The following CSTA variants were observed in gnomAD, a reference collection of about 807,000 sequenced individuals.
CSTA encodes the protein cystatin A, also known as cystatin-A.
Under a neutral mutation model 9.2 loss-of-function variants are expected in CSTA, and 9 were observed. The ratio of observed to expected loss-of-function variants is 0.97; its 90% CI spans 0.59 to 1.70. The LOEUF (loss-of-function observed/expected upper bound fraction) is 1.70, where lower values mean the gene tolerates loss of function less well. Among genes scored for constraint, CSTA ranks in the 40% most tolerant of loss-of-function variants. CSTA has a pLI of 0.00. For synonymous variants in CSTA, 36 were observed against 40.6 expected (o/e 0.89, Z 0.43); for missense variants, 118 against 113.1 (o/e 1.04, Z -0.20).
chr3:122,337,257 T>C (rs924631167), intron 1 of CSTA, among the ~76,000 whole-genome samples: 1 of 152,214 alleles, frequency 6.6e-6, no homozygotes, highest in Non-Finnish European at 1.5e-5. Context: ...CCACTGATTT[T>C]TATTAATCAA....
At chr3:122,335,958 T>TACACACACACAC (rs55707796) in intron 1 of CSTA, among the ~76,000 whole-genome samples, 7 of 147,662 alleles carry the variant, frequency 4.7e-5, no homozygotes, top group African/African-American at 1.8e-4. Context: ...ATCAGAGGAA[T>TACACACACACAC]ACACACACAC....
At chr3:122,339,270 C>T (rs548291456) in intron 2 of CSTA, among the ~76,000 whole-genome samples, 1 of 152,312 alleles carries the variant, frequency 6.6e-6, no homozygotes, top group African/African-American at 2.4e-5. Context: ...TAATCTACTT[C>T]GCAGCGTGTT....
intron 1 of CSTA, among the ~76,000 whole-genome samples, chr3:122,332,883 C>T (rs1192931102): frequency 6.6e-6 from 1 of 152,212 alleles, no homozygotes; most frequent in Non-Finnish European, 1.5e-5. Context: ...GGGAGTCTTT[C>T]AGCACCAAGC....
rs529772373 is a variant in CSTA, at chr3:122,331,690, G to A, written c.67-5857G>A. 2.6e-5 allele frequency among the ~76,000 whole-genome samples: 4 copies of A among 152,300 alleles called. No individual in the cohort carries two copies. In the South Asian group the frequency reaches 8.3e-4, roughly 32 times the overall value. On this transcript the variant is annotated intron_variant, in intron 1 of 2. Coordinates refer to ENST00000264474, the MANE Select transcript of CSTA (RefSeq NM_005213.4). The stretch of plus-strand genomic sequence containing the variant: ...GGATTAATGCTTAACAACCCGGACA[G>A]GACCCAGGGCTGCCAGAACATTCTT...
chr3:122,333,613 GAAGGAA>G (rs2075219064), intron 1 of CSTA, among the ~76,000 whole-genome samples: 1 of 137,318 alleles, frequency 7.3e-6, no homozygotes, highest in African/African-American at 2.6e-5. Context: ...AGAGAGGAAG[GAAGGAA>G]AAGGAAAGGA....
chr3:122,326,047 C>T (rs1038069518), intron 1 of CSTA, among the ~76,000 whole-genome samples: 1 of 152,108 alleles, frequency 6.6e-6, no homozygotes, highest in South Asian at 2.1e-4. Flanking sequence ...GAGATGGGGT[C>T]TCACTCTGTC....
chr3:122,337,547 G>A lies in CSTA; in HGVS notation c.67G>A (p.Val23Ile). The A allele has an allele frequency of 6.2e-7, 1 of 1,601,104 alleles. No individual in the cohort carries two copies. Among genetic ancestry groups the A allele is most frequent in the Non-Finnish European group, 8.6e-7 (1 of 1,168,466 alleles). The change falls in exon 2 of 3, where the codon GTT (valine) becomes ATT (isoleucine). Residue 23 changes from valine to isoleucine, a missense_variant and splice_region_variant. Coordinates refer to ENST00000264474, the MANE Select transcript of CSTA (RefSeq NM_005213.4). ...TTGTTTCCTCTTTTCTTTTCTTTAG[G>A]TTAAACCACAGCTTGAAGAAAAAAC... ...TPEIQEIVDK[V>I]KPQLEEKTNE...
intron 1 of CSTA, among the ~76,000 whole-genome samples, chr3:122,333,724 AAGAAAGAAAG>A (rs769315421): frequency 0.054 from 4,718 of 87,046 alleles, 240 homozygotes; most frequent in African/African-American, 0.13. Context: ...AAGAAAGAGA[AAGAAAGAAAG>A]AGAAAGAAAG....
chr3:122,341,527 A>G lies in CSTA; in HGVS notation c.257A>G (p.Gln86Arg). Residue 86 changes from glutamine (Q) to arginine (R), a missense_variant, in exon 3 of 3, where the codon CAG (glutamine) becomes CGG (arginine). Physicochemically the swap from Gln to Arg is conservative, Grantham distance 43. Coordinates refer to ENST00000264474, the MANE Select transcript of CSTA (RefSeq NM_005213.4). ...QNEDLVLTGY[Q>R]VDKNKDDELT... ...GAGGACTTGGTACTTACTGGATACC[A>G]GGTTGACAAAAACAAGGATGACGAG... The G allele has an allele frequency of 1.2e-6, 2 of 1,614,186 alleles. No individual in the cohort carries two copies. The highest frequency in any genetic ancestry group is 1.7e-6 in the Non-Finnish European group (2 of 1,180,008).
chr3:122,337,009 C>T (rs1029682692), intron 1 of CSTA, among the ~76,000 whole-genome samples: 2 of 152,118 alleles, frequency 1.3e-5, no homozygotes, highest in Admixed American at 6.5e-5. Context: ...TGCATGAGAT[C>T]CTGGAGCAGA....
At chr3:122,340,995 A>G (rs1049649116) in intron 2 of CSTA, among the ~76,000 whole-genome samples, 3 of 151,552 alleles carry the variant, frequency 2.0e-5, no homozygotes, top group Non-Finnish European at 4.4e-5. Context: ...AGGCTGGAGT[A>G]CAGTGGCATG....
At chr3:122,333,197 T>C (rs920717344) in intron 1 of CSTA, among the ~76,000 whole-genome samples, 1 of 152,198 alleles carries the variant, frequency 6.6e-6, no homozygotes, top group Non-Finnish European at 1.5e-5. Context: ...GATTTGGATA[T>C]ATTTCTAGGA....
rs545165852 is a variant in CSTA at position 122,338,236 on chromosome 3, C to CA, written c.168+594dup. The CA allele has an allele frequency of 3.3e-5, 5 of 152,178 alleles. No individual in the cohort carries two copies. In the South Asian group the frequency reaches 1.0e-3, roughly 32 times the overall value. 9.4% of individuals were successfully genotyped at this position (152,178 alleles called of 1,614,324 possible). On this transcript the variant is annotated intron_variant, in intron 2 of 2. Coordinates refer to ENST00000264474, the MANE Select transcript of CSTA (RefSeq NM_005213.4). Reference sequence around the variant, plus strand: ...TTAAAAGTTAATTTTATAGCTCTGTCAAAAAATTACACAATGCATTGATCG... The same window carrying CA: ...TTAAAAGTTAATTTTATAGCTCTGTCAAAAAAATTACACAATGCATTGATCG...
chr3:122,328,671 C>T (rs1339860034), intron 1 of CSTA, among the ~76,000 whole-genome samples: 1 of 151,794 alleles, frequency 6.6e-6, no homozygotes, highest in Non-Finnish European at 1.5e-5. Context: ...GTGGAAGCAC[C>T]AGCCTCACAG....
At chr3:122,336,837 T>A (rs1244286410) in intron 1 of CSTA, among the ~76,000 whole-genome samples, 1 of 152,214 alleles carries the variant, frequency 6.6e-6, no homozygotes, top group Non-Finnish European at 1.5e-5. Flanking sequence ...CAAACATGTA[T>A]AATACTAACA....
intron 2 of CSTA, among the ~76,000 whole-genome samples, chr3:122,340,070 T>C (rs973918024): frequency 6.6e-6 from 1 of 152,224 alleles, no homozygotes; most frequent in East Asian, 1.9e-4. Flanking sequence ...AAAATGTTCA[T>C]CATAGTGTCT....
intron 1 of CSTA, among the ~76,000 whole-genome samples, chr3:122,333,667 GGAAGAAAGAAA>G (rs1182505334): frequency 4.2e-5 from 6 of 142,232 alleles, no homozygotes; most frequent in African/African-American, 1.6e-4. Flanking sequence ...GAAGAAAAAA[GGAAGAAAGAAA>G]GAAGAAAGAA....
chr3:122,328,283 A>T (rs80273009), intron 1 of CSTA, among the ~76,000 whole-genome samples: 6,880 of 152,026 alleles, frequency 0.045, 396 homozygotes, highest in Admixed American at 0.17. Flanking sequence ...GGCAGATCAC[A>T]TGAGGTCAGG....
Position 122,341,834 on chromosome 3 carries a change from C to T in CSTA, c.*267C>T. 3 of 411,046 alleles carry T rather than the reference C, an allele frequency of 7.3e-6. No individual in the cohort carries two copies. The highest frequency in any genetic ancestry group is 6.8e-5 in the South Asian group (3 of 44,226). The allele number at this position is 411,046 out of a possible 1,614,324, so 25.5% of individuals were successfully genotyped here. A position where few individuals can be genotyped will look rare whatever the true frequency, so the allele number is the denominator to read the frequency against. ...TAATGCAACTGGCTAAAGGATAGTA[C>T]CACCCTCACCCCCACCATAGGCAGG... On this transcript the variant is annotated 3_prime_UTR_variant, in exon 3 of 3. Coordinates refer to ENST00000264474, the MANE Select transcript of CSTA (RefSeq NM_005213.4).
Sources: gnomAD v4.1 joint callset for allele counts (sites outside exome capture counted in the v4.1 genomes callset) on GRCh38, gnomAD v4.1.1 for gene constraint, MANE v1.5 for transcripts, NCBI Gene and HGNC (gene_info 2026-07-23, HGNC 2026-07-21) for gene names.